Variants in EXT1 observed in about 807,000 individuals in gnomAD.
EXT1 encodes the protein exostosin-1.
Under a neutral mutation model 82.5 loss-of-function variants are expected in EXT1, and 20 were observed. The observed-to-expected ratio is 0.24, with a 90% CI of 0.17 to 0.35. The LOEUF (loss-of-function observed/expected upper bound fraction) is 0.35. Ranked by LOEUF, EXT1 falls within the 10% of genes least tolerant of loss-of-function variation. EXT1 has a pLI of 1.00. For synonymous variants in EXT1, 348 were observed against 350.8 expected, an observed-to-expected ratio of 0.99 and a Z score of 0.09; for missense variants, 757 against 936.5, an observed-to-expected ratio of 0.81 and a Z score of 2.50.
intron 5 of EXT1, among the ~76,000 whole-genome samples, chr8:117,821,771 C>A (rs1254989837): frequency 6.6e-6 from 1 of 152,136 alleles, no homozygotes; most frequent in Non-Finnish European, 1.5e-5. Flanking sequence ...AGAACTGTAA[C>A]TGATGGGAAA....
chr8:118,092,788 A>G (rs1009884587), intron 1 of EXT1, among the ~76,000 whole-genome samples: 1 of 152,238 alleles, frequency 6.6e-6, no homozygotes, highest in Admixed American at 6.5e-5. Context: ...GGAATGCCCT[A>G]GGCTGAAGGG....
intron 1 of EXT1, among the ~76,000 whole-genome samples, chr8:118,046,798 AG>A (rs1308835896): frequency 2.0e-5 from 3 of 152,356 alleles, no homozygotes; most frequent in East Asian, 1.9e-4. Context: ...TCCCTCCTCC[AG>A]GAAGTATAAT....
chr8:117,830,603 C>A (rs1431607840), intron 3 of EXT1, among the ~76,000 whole-genome samples: 2 of 152,172 alleles, frequency 1.3e-5, no homozygotes, highest in Non-Finnish European at 2.9e-5. Context: ...TTCAGTAGCA[C>A]CTTATCAGTT....
At chr8:117,891,720 G>C (rs1813245977) in intron 1 of EXT1, among the ~76,000 whole-genome samples, 1 of 151,570 alleles carries the variant, frequency 6.6e-6, no homozygotes, top group Admixed American at 6.6e-5. Flanking sequence ...AAAATATTCA[G>C]AAGAGCTTTA....
chr8:117,998,435 G>A (rs17505065), intron 1 of EXT1, among the ~76,000 whole-genome samples: 8,758 of 152,100 alleles, frequency 0.058, 836 homozygotes, highest in African/African-American at 0.2. Context: ...TCAGGCTCCC[G>A]AGTACACTAA....
chr8:117,960,918 C>T (rs1028792210), intron 1 of EXT1, among the ~76,000 whole-genome samples: 1 of 152,092 alleles, frequency 6.6e-6, no homozygotes, highest in Non-Finnish European at 1.5e-5. Flanking sequence ...TGAAATATGC[C>T]TGAGATGGTC....
chr8:117,890,533 T>C (rs560393845), intron 1 of EXT1, among the ~76,000 whole-genome samples: 2 of 152,352 alleles, frequency 1.3e-5, no homozygotes, highest in Non-Finnish European at 1.5e-5. Flanking sequence ...AAACTCATAG[T>C]AGGCAGGGCA....
intron 10 of EXT1, among the ~76,000 whole-genome samples, chr8:117,803,338 A>T (rs769944494): frequency 3.7e-4 from 56 of 151,860 alleles, no homozygotes; most frequent in Non-Finnish European, 6.9e-4. Flanking sequence ...TGGGATTACA[A>T]GCGTGCACCA....
chr8:118,104,767 C>T (rs180752406), intron 1 of EXT1, among the ~76,000 whole-genome samples: 1 of 152,240 alleles, frequency 6.6e-6, no homozygotes, highest in East Asian at 1.9e-4. Context: ...GATTTTGGAG[C>T]ATTTTGGACC....
intron 1 of EXT1, among the ~76,000 whole-genome samples, chr8:117,999,996 G>A (rs931239595): frequency 1.1e-4 from 17 of 151,426 alleles, no homozygotes; most frequent in Non-Finnish European, 2.9e-5. Flanking sequence ...ATATATATCT[G>A]TACTTTATAC....
intron 4 of EXT1, among the ~76,000 whole-genome samples, chr8:117,825,408 T>C (rs906706287): frequency 6.6e-6 from 1 of 152,162 alleles, no homozygotes; most frequent in African/African-American, 2.4e-5. Flanking sequence ...GTCTTTATTG[T>C]GGTGGAAGAA....
intron 1 of EXT1, among the ~76,000 whole-genome samples, chr8:117,851,492 T>C (rs1034412145): frequency 6.6e-6 from 1 of 151,712 alleles, no homozygotes; most frequent in East Asian, 1.9e-4. Context: ...GGGGTTTTAG[T>C]TGGTGCCACG....
chr8:118,010,198 C>T (rs1815868899), intron 1 of EXT1, among the ~76,000 whole-genome samples: 1 of 151,686 alleles, frequency 6.6e-6, no homozygotes, highest in Admixed American at 6.6e-5. Context: ...CAGTGAAACC[C>T]CATCTCTACT....
chr8:117,991,803 C>T (rs1815440725), intron 1 of EXT1, among the ~76,000 whole-genome samples: 1 of 152,264 alleles, frequency 6.6e-6, no homozygotes, highest in African/African-American at 2.4e-5. Flanking sequence ...CTCAAGTGAT[C>T]CACCCTCCTC....
intron 4 of EXT1, among the ~76,000 whole-genome samples, chr8:117,825,403 T>C (rs1046560938): frequency 1.3e-5 from 2 of 152,208 alleles, no homozygotes; most frequent in African/African-American, 4.8e-5. Flanking sequence ...GCTTAGTCTT[T>C]ATTGTGGTGG....
chr8:117,932,543 G>A (rs1814081179), intron 1 of EXT1, among the ~76,000 whole-genome samples: 1 of 152,104 alleles, frequency 6.6e-6, no homozygotes, highest in Non-Finnish European at 1.5e-5. Context: ...CATAAACATA[G>A]TACTGCCCGC....
intron 1 of EXT1, among the ~76,000 whole-genome samples, chr8:117,959,357 T>C (rs1258719749): frequency 1.3e-5 from 2 of 152,238 alleles, no homozygotes; most frequent in African/African-American, 4.8e-5. Flanking sequence ...ATCACTCGCT[T>C]CTGCTTCATG....
At chr8:118,058,722 T>C (rs556914742) in intron 1 of EXT1, among the ~76,000 whole-genome samples, 1 of 152,280 alleles carries the variant, frequency 6.6e-6, no homozygotes, top group Admixed American at 6.5e-5. Context: ...ATTAAATAGA[T>C]TAGGTAAATA....
intron 1 of EXT1, among the ~76,000 whole-genome samples, chr8:117,938,873 T>C (rs1814218777): frequency 6.6e-6 from 1 of 152,238 alleles, no homozygotes; most frequent in Non-Finnish European, 1.5e-5. Context: ...TCAAGAAATA[T>C]TTATTGAATA....
Sources: allele counts gnomAD v4.1 joint callset (sites outside exome capture counted in the v4.1 genomes callset), GRCh38; gene constraint gnomAD v4.1.1; transcripts MANE v1.5; gene names NCBI Gene and HGNC (gene_info 2026-07-23, HGNC 2026-07-21).